FNDC3A: variants seen among roughly 807,000 people sequenced by gnomAD.
FNDC3A encodes the protein fibronectin type-III domain-containing protein 3A.
Under a neutral mutation model 148.9 loss-of-function variants are expected in FNDC3A, and 32 were observed. The observed-to-expected ratio is 0.21, with a 90% CI of 0.16 to 0.29. The LOEUF is 0.29. Ranked by LOEUF, FNDC3A falls within the 10% of genes least tolerant of loss-of-function variation. The probability of loss-of-function intolerance (pLI) is 1.00; values close to 1 mark genes in which losing one functional copy is unlikely to be tolerated. For synonymous variants in FNDC3A, 472 were observed against 473.6 expected (o/e 1.00, Z 0.04); for missense variants, 1,191 against 1,452.8 (o/e 0.82, Z 2.93).
chr13:49,105,010 AG>A (rs1880085496), intron 3 of FNDC3A, among the ~76,000 whole-genome samples: 2 of 152,232 alleles, frequency 1.3e-5, no homozygotes. Flanking sequence ...GTCATAAACT[AG>A]GAAGAGTATA....
chr13:49,138,123 C>T (rs548667671), intron 6 of FNDC3A, among the ~76,000 whole-genome samples: 1 of 152,284 alleles, frequency 6.6e-6, no homozygotes, highest in East Asian at 1.9e-4. Flanking sequence ...CTCTTCCTAC[C>T]TTCCTTTTCC....
chr13:49,000,697 C>T (rs1429386801), intron 1 of FNDC3A, among the ~76,000 whole-genome samples: 1 of 152,144 alleles, frequency 6.6e-6, no homozygotes, highest in Non-Finnish European at 1.5e-5. Context: ...AAATCTTTCA[C>T]TTTGTGAACC....
intron 2 of FNDC3A, among the ~76,000 whole-genome samples, chr13:49,026,040 G>A (rs1873688543): frequency 1.3e-5 from 2 of 152,202 alleles, no homozygotes; most frequent in South Asian, 4.1e-4. Flanking sequence ...TAGGGAAATG[G>A]AGAAGATTTG....
At chr13:49,007,425 A>G (rs1287556134) in intron 2 of FNDC3A, among the ~76,000 whole-genome samples, 1 of 152,146 alleles carries the variant, frequency 6.6e-6, no homozygotes, top group African/African-American at 2.4e-5. Flanking sequence ...TCACAAAAAT[A>G]GTAGATGTGG....
At chr13:49,131,509 TA>T in intron 5 of FNDC3A, 135 bp downstream of exon 5, 1 of 700,246 alleles carries the variant, frequency 1.4e-6, no homozygotes, top group Middle Eastern at 3.9e-4. Context: ...TTTACTCAAG[TA>T]CTATATTAGG....
In FNDC3A at chr13:49,207,465, T is replaced by C; in HGVS notation, c.*70T>C. ...TGTACTAAAATTATTTCTGTATTGC[T>C]TTTATAAAAAACAGTGGCATTTAGC... On this transcript the variant is annotated 3_prime_UTR_variant, in exon 26 of 26. Transcript: ENST00000492622. The C allele has an allele frequency of 4.8e-6, 5 of 1,052,010 alleles. No individual in the cohort carries two copies. The highest frequency in any genetic ancestry group is 2.9e-4 in the Middle Eastern group (1 of 3,394). 65.2% of individuals were successfully genotyped at this position (1,052,010 alleles called of 1,614,324 possible). A position where few individuals can be genotyped will look rare whatever the true frequency, so the allele number is the denominator to read the frequency against.
chr13:49,197,617 A>T, intron 20 of FNDC3A, 108 bp from the exon 21 acceptor site: 1 of 843,458 alleles, frequency 1.2e-6, no homozygotes, highest in Non-Finnish European at 1.9e-6. Context: ...TTTTAAAGAA[A>T]CTCAAAAGCA....
In FNDC3A at chr13:49,197,992, T is replaced by C. The variant is rs749984480; in HGVS notation, c.2501T>C (p.Val834Ala). The C allele has an allele frequency of 3.7e-6, 6 of 1,612,662 alleles. No individual in the cohort carries two copies. In the South Asian group the frequency reaches 5.5e-5, roughly 15 times the overall value. Residue 834 changes from valine to alanine, a missense_variant, in exon 22 of 26, where the codon GTT becomes GCT. Physicochemically the swap from Val to Ala is moderately conservative, Grantham distance 64. This residue lies in a region of FNDC3A where 751 missense variants were observed against 944.0 expected (regional missense o/e 0.80). Transcript: ENST00000492622. ...TCTGTTAATTTGTAGGCTCTGAGTG[T>C]TGTGGGTGCAGGCCCTTTCAGTGAA... ...TYYCRVQALS[V>A]VGAGPFSEVV...
rs1886750663 is a variant in FNDC3A, at chr13:49,208,392, C to G, written c.*997C>G. ...AACTGCTGCCACCACCATCAGAATTCATAATCAAACCTAACCTTTTTGTTT... is the reference window on the plus strand; with the variant it reads ...AACTGCTGCCACCACCATCAGAATTGATAATCAAACCTAACCTTTTTGTTT... On this transcript the variant is annotated 3_prime_UTR_variant, in exon 26 of 26. Transcript: ENST00000492622. 6.6e-6 allele frequency: 1 copy of G among 152,644 alleles called. No individual in the cohort carries two copies. The highest frequency in any genetic ancestry group is 1.5e-5 in the Non-Finnish European group (1 of 68,030). The allele number at this position is 152,644 out of a possible 1,614,324, so 9.5% of individuals were successfully genotyped here.
In FNDC3A at chr13:49,023,274, C is replaced by T. The variant is rs142454805; in HGVS notation, c.99+16985C>T. Among the ~76,000 whole-genome samples the T allele has an allele frequency of 4.2e-3, 639 of 151,664 alleles. 6 individuals are homozygous for T. Among genetic ancestry groups the T allele is most frequent in the African/African-American group, 0.015 (610 of 41,452 alleles). ...TGAGACCAATACCATTTCATCTGTT[C>T]ATTTTTTAAACTATATATATTTCCA... On this transcript the variant is annotated intron_variant, in intron 2 of 25. Transcript: ENST00000492622.
intron 2 of FNDC3A, among the ~76,000 whole-genome samples, chr13:49,011,379 G>A (rs570606268): frequency 4.6e-5 from 7 of 152,096 alleles, no homozygotes; most frequent in African/African-American, 9.6e-5. Flanking sequence ...GATCACAGGC[G>A]TGCACCACCA....
rs774904025 is a variant in FNDC3A, at chr13:49,131,123, T to C, written c.253-14T>C. ...TTCTATGGAAGAAATTTTAATCTGA[T>C]GTTCATTTTGTAGGTTATTGAAGAC... On this transcript the variant is annotated splice_polypyrimidine_tract_variant and intron_variant, in intron 4 of 25. Transcript: ENST00000492622. 7.6e-6 allele frequency: 12 copies of C among 1,571,070 alleles called. No individual in the cohort carries two copies. In the Admixed American group the frequency reaches 2.0e-4, roughly 26 times the overall value.
chr13:49,065,230 G>A (rs1235405341), intron 2 of FNDC3A, among the ~76,000 whole-genome samples: 1 of 152,158 alleles, frequency 6.6e-6, no homozygotes, highest in Non-Finnish European at 1.5e-5. Context: ...CCCCATCTCT[G>A]TGGCATCTTC....
At chr13:49,006,325 A>T (rs1408144900) in intron 2 of FNDC3A, 36 bp downstream of exon 2, 1 of 1,212,092 alleles carries the variant, frequency 8.3e-7, no homozygotes, top group East Asian at 2.4e-5. Flanking sequence ...TTTATGTCTA[A>T]TACACATGTA....
chr13:49,023,655 G>A (rs1196231768), intron 2 of FNDC3A, among the ~76,000 whole-genome samples: 1 of 151,862 alleles, frequency 6.6e-6, no homozygotes, highest in Admixed American at 6.6e-5. Flanking sequence ...GTCAACTCCT[G>A]TGCCCCAGAA....
At position 48,986,385 on chromosome 13, in the gene FNDC3A, G is replaced by GTTTTTTTTTTTTTTTT. The variant is rs869031197; in HGVS notation, c.-40+10221_-40+10236dup. 1.1e-4 allele frequency among the ~76,000 whole-genome samples: 6 copies of GTTTTTTTTTTTTTTTT among 54,412 alleles called. 1 individual carries two copies. Among genetic ancestry groups the GTTTTTTTTTTTTTTTT allele is most frequent in the Admixed American group, 3.2e-4 (1 of 3,112 alleles). The allele number at this position is 54,412 out of a possible 152,430, so 35.7% of individuals were successfully genotyped here. ...AAGACAGAGTAAGGAGAAGGAAGTT[G>GTTTTTTTTTTTTTTTT]TTTTTTTTTTTTTTTTTTTTTTTTT... On this transcript the variant is annotated intron_variant, in intron 1 of 25. Transcript: ENST00000492622.
rs775713516 is a variant in FNDC3A, at chr13:49,131,274, G to A, written c.390G>A (p.Pro130=). 7 of 1,613,654 alleles carry A rather than the reference G, an allele frequency of 4.3e-6. No homozygotes were observed. Among genetic ancestry groups the A allele is most frequent in the East Asian group, 2.2e-5 (1 of 44,866 alleles). Residue 130 remains proline, a synonymous_variant, in exon 5 of 26, where the codon CCG becomes CCA. Transcript: ENST00000492622. The part of the protein sequence containing the change: ...PGFIPVPTMM[P]PPPRHMYSPV... The stretch of plus-strand genomic sequence containing the variant: ...TCATTCCTGTCCCAACTATGATGCC[G>A]CCTCCACCACGTCATATGTACTCAC...
chr13:49,071,426 A>G (rs1451576230), intron 2 of FNDC3A, among the ~76,000 whole-genome samples: 2 of 151,890 alleles, frequency 1.3e-5, no homozygotes, highest in Non-Finnish European at 2.9e-5. Flanking sequence ...TGGTAGTTCT[A>G]TTGTTTGTGT....
rs1394856461 is a variant in FNDC3A at position 49,183,247 on chromosome 13, C to A, written c.1618-2717C>A. Among the ~76,000 whole-genome samples, 4 of 152,268 alleles carry A rather than the reference C, an allele frequency of 2.6e-5. No homozygotes were observed. The East Asian group carries it at 7.7e-4, about 29-fold the overall frequency. ...CAAGCTTCCCCTTTGATTGCTGTTGCCCAGGAAGACTCCATAACACTTCCA... is the reference window on the plus strand; with the variant it reads ...CAAGCTTCCCCTTTGATTGCTGTTGACCAGGAAGACTCCATAACACTTCCA... On this transcript the variant is annotated intron_variant, in intron 14 of 25. Transcript: ENST00000492622.
Sources: gnomAD v4.1 joint callset for allele counts (sites outside exome capture counted in the v4.1 genomes callset) on GRCh38, gnomAD v4.1.1 for gene constraint, gnomAD v4.1.1 regional missense constraint, MANE v1.5 for transcripts, NCBI Gene and HGNC (gene_info 2026-07-23, HGNC 2026-07-21) for gene names.